Variants in R3HDM1 observed in about 807,000 individuals in gnomAD.
R3HDM1 encodes R3H domain-containing protein 1.
R3HDM1 carries 46 observed loss-of-function variants against 141.1 expected under a neutral mutation model. The ratio of observed to expected loss-of-function variants is 0.33; its 90% CI spans 0.26 to 0.42. The LOEUF (loss-of-function observed/expected upper bound fraction) is 0.42, where lower values mean the gene tolerates loss of function less well. Among genes scored for constraint, R3HDM1 ranks in the 10% least tolerant of loss-of-function variants. The pLI, the probability that R3HDM1 is intolerant of heterozygous loss-of-function variation, is 1.00. For missense variants in R3HDM1, 1,184 were observed against 1,368.3 expected (o/e 0.87, Z 2.12); for synonymous variants, 435 against 472.9 (o/e 0.92, Z 1.04).
chr2:135,650,325 G>A, intron 17 of R3HDM1: 1 of 985,286 alleles, frequency 1.0e-6, no homozygotes, highest in Non-Finnish European at 1.2e-6. Context: ...CCCTGGGATG[G>A]CAGCTTTCAT....
At position 135,660,621 on chromosome 2, in the gene R3HDM1, G is replaced by A. The variant is rs567732648; in HGVS notation, c.2029-649G>A. 2.7e-4 allele frequency among the ~76,000 whole-genome samples: 41 copies of A among 152,128 alleles called. No individual in the cohort carries two copies. In the South Asian group the frequency reaches 2.9e-3, roughly 11 times the overall value. Reference sequence around the variant, plus strand: ...AGCACTTTGGGAGGCTGAAGTGGGCGGATCAGTTGAGGTCAGGAGTTTGAG... The same window carrying A: ...AGCACTTTGGGAGGCTGAAGTGGGCAGATCAGTTGAGGTCAGGAGTTTGAG... On this transcript the variant is annotated intron_variant, in intron 18 of 26. Coordinates refer to ENST00000683871, the MANE Select transcript of R3HDM1 (RefSeq NM_001378107.1).
intron 1 of R3HDM1, among the ~76,000 whole-genome samples, chr2:135,533,790 A>G (rs945851635): frequency 3.9e-5 from 6 of 152,192 alleles, no homozygotes; most frequent in Non-Finnish European, 5.9e-5. Context: ...GAGACAGGAG[A>G]ATCGCTTGAA....
At chr2:135,662,503 CGTT>C (rs1559375517) in intron 19 of R3HDM1, among the ~76,000 whole-genome samples, 2 of 152,128 alleles carry the variant, frequency 1.3e-5, no homozygotes, top group Non-Finnish European at 2.9e-5. Flanking sequence ...GGAGTTGTCT[CGTT>C]GTTAGTTTAC....
rs112676868 is a variant in R3HDM1 at position 135,611,965 on chromosome 2, A to T, written c.172-4187A>T. Among the ~76,000 whole-genome samples the T allele has an allele frequency of 8.1e-4, 123 of 152,354 alleles. 1 individual carries two copies. The highest frequency in any genetic ancestry group is 2.8e-3 in the African/African-American group (118 of 41,572). On this transcript the variant is annotated intron_variant, in intron 3 of 26. Coordinates refer to ENST00000683871, the MANE Select transcript of R3HDM1 (RefSeq NM_001378107.1). ...CCTGTATCTTCATTTATTATAAGGA[A>T]TAACTATAAACCAGATAGTTTGTGA...
chr2:135,632,815 T>C (rs2105220985), intron 9 of R3HDM1, among the ~76,000 whole-genome samples: 1 of 152,346 alleles, frequency 6.6e-6, no homozygotes, highest in Non-Finnish European at 1.5e-5. Flanking sequence ...CAACTTCAGA[T>C]GGCATAAATA....
At chr2:135,566,054 A>G (rs1202142680) in intron 1 of R3HDM1, 1 of 152,242 alleles carries the variant, frequency 6.6e-6, no homozygotes, top group Non-Finnish European at 1.5e-5. Flanking sequence ...GCCCTGCCTC[A>G]GCTTCTCTCC....
intron 1 of R3HDM1, among the ~76,000 whole-genome samples, chr2:135,570,794 T>C (rs1703931420): frequency 6.6e-6 from 1 of 152,364 alleles, no homozygotes; most frequent in African/African-American, 2.4e-5. Context: ...TACAATTTTA[T>C]TGTTCCAGGT....
chr2:135,679,081 T>C (rs1187803392), intron 20 of R3HDM1, among the ~76,000 whole-genome samples: 2 of 147,950 alleles, frequency 1.4e-5, no homozygotes, highest in Non-Finnish European at 3.0e-5. Context: ...TTTTTTTTTT[T>C]TTTTTTTTTT....
chr2:135,644,001 T>C (rs1559328016), intron 15 of R3HDM1, among the ~76,000 whole-genome samples: 1 of 152,040 alleles, frequency 6.6e-6, no homozygotes, highest in South Asian at 2.1e-4. Flanking sequence ...TCAGGAAAAA[T>C]AACTAATGGG....
intron 17 of R3HDM1, chr2:135,651,157 A>G: frequency 1.0e-6 from 1 of 985,378 alleles, no homozygotes; most frequent in Non-Finnish European, 1.2e-6. Context: ...GAAAAACACA[A>G]GGGAAGAATG....
chr2:135,659,049 CTGTG>C (rs548436817), intron 18 of R3HDM1, among the ~76,000 whole-genome samples: 97 of 126,434 alleles, frequency 7.7e-4, no homozygotes, highest in South Asian at 1.1e-3. Flanking sequence ...CTACCTGAGT[CTGTG>C]TGTGTGTGTG....
At chr2:135,618,060 G>A (rs1230741641) in intron 5 of R3HDM1, among the ~76,000 whole-genome samples, 1 of 152,012 alleles carries the variant, frequency 6.6e-6, no homozygotes, top group Non-Finnish European at 1.5e-5. Flanking sequence ...GAAAATGCAA[G>A]GAAAATGTTT....
At chr2:135,683,522 C>A (rs1343204698) in intron 21 of R3HDM1, among the ~76,000 whole-genome samples, 1 of 146,402 alleles carries the variant, frequency 6.8e-6, no homozygotes, top group Non-Finnish European at 1.5e-5. Context: ...CCACTGCACT[C>A]CAGCCTGGGC....
chr2:135,644,988 A>G (rs1376406237), intron 15 of R3HDM1, among the ~76,000 whole-genome samples: 4 of 152,162 alleles, frequency 2.6e-5, no homozygotes, highest in Admixed American at 2.6e-4. Context: ...AGGCTGAGGC[A>G]GGAGAATCAT....
At chr2:135,715,371 CAAAAA>C (rs992964079) in intron 23 of R3HDM1, among the ~76,000 whole-genome samples, 174 bp from the exon 24 acceptor site, 1 of 146,400 alleles carries the variant, frequency 6.8e-6, no homozygotes, top group Non-Finnish European at 1.5e-5. Flanking sequence ...GACTCCGTCT[CAAAAA>C]AAAAGAAAAA....
intron 9 of R3HDM1, among the ~76,000 whole-genome samples, chr2:135,634,351 G>A (rs767632112): frequency 6.6e-6 from 1 of 151,966 alleles, no homozygotes; most frequent in Non-Finnish European, 1.5e-5. Flanking sequence ...GTATTACTTC[G>A]GTTCTAGGGC....
Position 135,602,486 on chromosome 2 carries a change from T to G in R3HDM1, c.-249-14T>G. 1 of 1,264,064 alleles carries G rather than the reference T, an allele frequency of 7.9e-7. No individual in the cohort carries two copies. The highest frequency in any genetic ancestry group is 1.0e-6 in the Non-Finnish European group (1 of 994,912). The allele number at this position is 1,264,064 out of a possible 1,614,324, so 78.3% of individuals were successfully genotyped here. On this transcript the variant is annotated splice_polypyrimidine_tract_variant and intron_variant, in intron 1 of 26. Coordinates refer to ENST00000683871, the MANE Select transcript of R3HDM1 (RefSeq NM_001378107.1). ...GCCATTTTGTTAAAATGGTTTCTTT[T>G]GTTTTCATTTTAGGCCACGGAAAGG...
At chr2:135,537,925 C>T (rs377385848) in intron 1 of R3HDM1, among the ~76,000 whole-genome samples, 48 of 152,176 alleles carry the variant, frequency 3.2e-4, no homozygotes, top group African/African-American at 7.7e-4. Context: ...TCCTTCGCTG[C>T]GTGAATTATT....
intron 14 of R3HDM1, among the ~76,000 whole-genome samples, chr2:135,641,158 T>G (rs1166542632): frequency 6.6e-6 from 1 of 152,242 alleles, no homozygotes; most frequent in Admixed American, 6.5e-5. Context: ...CATTTTGCTG[T>G]ACTAAATTCT....
Sources: gnomAD v4.1 joint callset for allele counts (sites outside exome capture counted in the v4.1 genomes callset) on GRCh38, gnomAD v4.1.1 for gene constraint, MANE v1.5 for transcripts, NCBI Gene and HGNC (gene_info 2026-07-23, HGNC 2026-07-21) for gene names.